Variants in TECRL observed in about 807,000 individuals in gnomAD.
The protein encoded by TECRL is trans-2,3-enoyl-CoA reductase like.
Under a neutral mutation model 52.8 loss-of-function variants are expected in TECRL, and 63 were observed. The ratio of observed to expected loss-of-function variants is 1.19; its 90% CI spans 0.97 to 1.47. The LOEUF is 1.47. Among genes scored for constraint, TECRL ranks in the 40% most tolerant of loss-of-function variants. The pLI is 0.00. For missense variants in TECRL, 482 were observed against 429.6 expected, an observed-to-expected ratio of 1.12 and a Z score of -1.08; for synonymous variants, 164 against 141.9, an observed-to-expected ratio of 1.16 and a Z score of -1.10.
chr4:64,332,547 G>A (rs1006515909), intron 2 of TECRL, among the ~76,000 whole-genome samples: 4 of 152,052 alleles, frequency 2.6e-5, no homozygotes, highest in South Asian at 4.2e-4. Flanking sequence ...AAAAACCAGG[G>A]GGAAATTAAA....
intron 1 of TECRL, among the ~76,000 whole-genome samples, chr4:64,391,669 T>C (rs905137945): frequency 1.9e-4 from 29 of 151,894 alleles, no homozygotes; most frequent in African/African-American, 6.5e-4. Flanking sequence ...TCCTAGTATA[T>C]AGTAGGTACA....
At chr4:64,407,013 C>A (rs1724775836) in intron 1 of TECRL, among the ~76,000 whole-genome samples, 2 of 149,156 alleles carry the variant, frequency 1.3e-5, no homozygotes, top group Non-Finnish European at 3.0e-5. Flanking sequence ...AATTACTAAG[C>A]AAAAAAAAAA....
chr4:64,355,834 ATATTTT>A, intron 2 of TECRL, among the ~76,000 whole-genome samples: 1 of 151,624 alleles, frequency 6.6e-6, no homozygotes, highest in Non-Finnish European at 1.5e-5. Context: ...AATTATAAAA[ATATTTT>A]AAAAATATAT....
At position 64,363,125 on chromosome 4, in the gene TECRL, T is replaced by G. The variant is rs376199930; in HGVS notation, c.286+12047A>C. ...ATTACGTAATGATAAAGCATTCAATTCAAAAAGACTTAACTATCCTAAATA... is the reference window on the plus strand; with the variant it reads ...ATTACGTAATGATAAAGCATTCAATGCAAAAAGACTTAACTATCCTAAATA... On this transcript the variant is annotated intron_variant, in intron 2 of 11. Transcript: ENST00000381210. Among the ~76,000 whole-genome samples, 10 of 152,002 alleles carry G rather than the reference T, an allele frequency of 6.6e-5. No homozygotes were observed. In the East Asian group the frequency reaches 1.5e-3, roughly 23 times the overall value.
intron 4 of TECRL, among the ~76,000 whole-genome samples, chr4:64,316,194 A>G (rs1469679397): frequency 6.6e-6 from 1 of 152,140 alleles, no homozygotes; most frequent in East Asian, 1.9e-4. Context: ...GTTGTGTACA[A>G]TAGTTAACTT....
At chr4:64,277,304 C>T, downstream of TECRL, among the ~76,000 whole-genome samples, 1 of 151,798 alleles carries the variant, frequency 6.6e-6, no homozygotes, top group East Asian at 1.9e-4. Context: ...GATCGAGTTA[C>T]AAAAACAGAA....
intron 7 of TECRL, among the ~76,000 whole-genome samples, chr4:64,300,583 G>T (rs554007577): frequency 1.4e-3 from 210 of 150,804 alleles, no homozygotes; most frequent in Non-Finnish European, 2.2e-3. Context: ...CTAAAGGCAG[G>T]GTTGCTCACT....
intron 2 of TECRL, among the ~76,000 whole-genome samples, chr4:64,368,297 G>T (rs144873356): frequency 6.7e-4 from 3 of 4,496 alleles, no homozygotes; most frequent in East Asian, 0.056. Flanking sequence ...TTTTTTGTTT[G>T]TTTGTTTGTT....
chr4:64,329,963 TTATTG>T (rs1718517740), intron 2 of TECRL, among the ~76,000 whole-genome samples: 1 of 150,742 alleles, frequency 6.6e-6, no homozygotes, highest in Non-Finnish European at 1.5e-5. Flanking sequence ...CTTTACTATT[TTATTG>T]TACTATTTAC....
At chr4:64,292,946 T>A (rs1015465910) in intron 8 of TECRL, among the ~76,000 whole-genome samples, 3 of 152,070 alleles carry the variant, frequency 2.0e-5, no homozygotes, top group African/African-American at 7.2e-5. Flanking sequence ...ATAAAAAAAA[T>A]TTAAATGAAC....
intron 1 of TECRL, among the ~76,000 whole-genome samples, chr4:64,379,742 C>T (rs73230498): frequency 6.6e-6 from 1 of 151,998 alleles, no homozygotes; most frequent in Non-Finnish European, 1.5e-5. Context: ...TGAGAACATG[C>T]AGTATTTGTC....
At position 64,279,550 on chromosome 4, in the gene TECRL, A is replaced by G. The variant is rs1722711904; in HGVS notation, c.*522T>C. On this transcript the variant is annotated 3_prime_UTR_variant, in exon 12 of 12. Transcript: ENST00000381210. ...GCCTGTCAAAGTGTTAGGATTACAG[A>G]TATGAACCACCACGGCTGTCATATT... 6.3e-6 allele frequency: 1 copy of G among 157,768 alleles called. No individual in the cohort carries two copies. Among genetic ancestry groups the G allele is most frequent in the South Asian group, 2.0e-4 (1 of 4,912 alleles). The allele number at this position is 157,768 out of a possible 1,614,324, so 9.8% of individuals were successfully genotyped here. A position where few individuals can be genotyped will look rare whatever the true frequency, so the allele number is the denominator to read the frequency against.
chr4:64,293,103 A>G (rs1384461756), intron 8 of TECRL, among the ~76,000 whole-genome samples: 1 of 152,124 alleles, frequency 6.6e-6, no homozygotes, highest in Non-Finnish European at 1.5e-5. Context: ...TAACGAACGA[A>G]TAATCCATTC....
intron 2 of TECRL, among the ~76,000 whole-genome samples, chr4:64,338,280 T>C (rs1286984156): frequency 1.3e-5 from 2 of 152,132 alleles, no homozygotes; most frequent in African/African-American, 4.8e-5. Context: ...CAAAAATTAA[T>C]TCAAGATGGA....
intron 8 of TECRL, among the ~76,000 whole-genome samples, chr4:64,292,956 C>A (rs143797366): frequency 2.0e-5 from 3 of 152,002 alleles, no homozygotes; most frequent in South Asian, 2.1e-4. Context: ...TTTAAATGAA[C>A]CTTACATTTT....
intron 1 of TECRL, 24 bp from the exon 2 acceptor site, chr4:64,375,247 TTA>T: frequency 7.9e-7 from 1 of 1,264,242 alleles, no homozygotes; most frequent in Non-Finnish European, 1.1e-6. Flanking sequence ...GAAAATAGAG[TTA>T]TTTTTAAAAA....
At chr4:64,389,281 G>A (rs1159204399) in intron 1 of TECRL, among the ~76,000 whole-genome samples, 1 of 151,818 alleles carries the variant, frequency 6.6e-6, no homozygotes, top group African/African-American at 2.4e-5. Context: ...TGAAGTTGAG[G>A]AAGTTCCCCC....
At chr4:64,353,576 T>G (rs1720548838) in intron 2 of TECRL, among the ~76,000 whole-genome samples, 1 of 152,098 alleles carries the variant, frequency 6.6e-6, no homozygotes, top group African/African-American at 2.4e-5. Flanking sequence ...GTATTTGAAT[T>G]AAATTAGTAT....
At position 64,309,827 on chromosome 4, in the gene TECRL, AT is replaced by A; in HGVS notation, c.655del (p.Met219Ter). On this transcript the variant is annotated frameshift_variant and splice_region_variant, in exon 6 of 12. Coordinates refer to ENST00000381210, the MANE Select transcript of TECRL (RefSeq NM_001010874.5). LOFTEE classifies it high-confidence loss of function. ...AGHTPLKNLI[M>X]SCAFYWGFTS... ...ATTAAAAACACAAAGCATCCTCACC[AT>A]TATCAAATTTTTCAAAGGTGTGTGT... 6.3e-7 allele frequency: 1 copy of A among 1,579,426 alleles called. No homozygotes were observed. Among genetic ancestry groups the A allele is most frequent in the Non-Finnish European group, 8.7e-7 (1 of 1,149,902 alleles).
Sources: gnomAD v4.1 joint callset for allele counts (sites outside exome capture counted in the v4.1 genomes callset) on GRCh38, gnomAD v4.1.1 for gene constraint, MANE v1.5 for transcripts, NCBI Gene and HGNC (gene_info 2026-07-23, HGNC 2026-07-21) for gene names.